The following ARSJ variants were observed in gnomAD, a reference collection of about 807,000 sequenced individuals.
ARSJ encodes arylsulfatase J.
In ARSJ, 26 loss-of-function variants were observed where a neutral mutation model predicts 35.9. The observed-to-expected ratio is 0.72, with a 90% CI of 0.53 to 1.00. The LOEUF (loss-of-function observed/expected upper bound fraction) is 1.00, where lower values mean the gene tolerates loss of function less well. Among genes scored for constraint, ARSJ ranks in the 50% least tolerant of loss-of-function variants. The pLI, the probability that ARSJ is intolerant of heterozygous loss-of-function variation, is 0.00. For synonymous variants in ARSJ, 294 were observed against 267.6 expected (o/e 1.10, Z -0.96); for missense variants, 667 against 723.6 (o/e 0.92, Z 0.90).
chr4:113,964,618 A>C (rs1726773371), intron 1 of ARSJ, among the ~76,000 whole-genome samples: 1 of 152,118 alleles, frequency 6.6e-6, no homozygotes, highest in Admixed American at 6.6e-5. Flanking sequence ...TGAATTAAAT[A>C]GTCATATGCA....
intron 1 of ARSJ, among the ~76,000 whole-genome samples, chr4:113,948,684 C>A (rs1443121399): frequency 6.6e-6 from 1 of 152,008 alleles, no homozygotes; most frequent in Non-Finnish European, 1.5e-5. Flanking sequence ...ACTTTAGAAC[C>A]AAGTTTCATA....
At chr4:113,956,750 A>G (rs1726204876) in intron 1 of ARSJ, among the ~76,000 whole-genome samples, 1 of 152,014 alleles carries the variant, frequency 6.6e-6, no homozygotes, top group Admixed American at 6.6e-5. Context: ...AGTTCATGCA[A>G]TGGTGACATG....
chr4:113,906,071 C>A (rs932586765), intron 1 of ARSJ, among the ~76,000 whole-genome samples: 9 of 152,006 alleles, frequency 5.9e-5, no homozygotes, highest in Admixed American at 3.3e-4. Context: ...AGAAAAAAAA[C>A]TAATTTTTCA....
chr4:113,929,537 C>A (rs1724296000), intron 1 of ARSJ, among the ~76,000 whole-genome samples: 1 of 152,112 alleles, frequency 6.6e-6, no homozygotes, highest in Admixed American at 6.5e-5. Flanking sequence ...TTATCAGGGT[C>A]CTCCCACACA....
intron 1 of ARSJ, among the ~76,000 whole-genome samples, chr4:113,947,959 TG>T (rs1725603928): frequency 2.0e-5 from 3 of 151,856 alleles, no homozygotes. Flanking sequence ...GAGGCTAAGG[TG>T]GGTGGATCAC....
rs567824517 is a variant in ARSJ, at chr4:113,973,931, C to A, written c.398+4506G>T. On this transcript the variant is annotated intron_variant, in intron 1 of 1. Transcript: ENST00000315366. ...TAGTTAAGAGAACATAGCATTGACA[C>A]AACAAATCGATAGCGAAAACAATGA... is the stretch of plus-strand genomic sequence containing the variant. Among the ~76,000 whole-genome samples the A allele has an allele frequency of 1.3e-3, 193 of 152,148 alleles. 1 individual carries two copies. The highest frequency in any genetic ancestry group is 4.5e-3 in the African/African-American group (188 of 41,518).
At chr4:113,949,486 T>C (rs1725720073) in intron 1 of ARSJ, among the ~76,000 whole-genome samples, 1 of 152,030 alleles carries the variant, frequency 6.6e-6, no homozygotes, top group Admixed American at 6.6e-5. Flanking sequence ...AAAAGGCTCA[T>C]GGACACAACT....
chr4:113,903,022 C>G lies in ARSJ; in HGVS notation c.1052G>C (p.Gly351Ala). 1 of 1,614,156 alleles carries G rather than the reference C, an allele frequency of 6.2e-7. No homozygotes were observed. Among genetic ancestry groups the G allele is most frequent in the Non-Finnish European group, 8.5e-7 (1 of 1,180,034 alleles). The change falls in exon 2 of 2, where the codon GGA becomes GCA. Residue 351 changes from glycine (G) to alanine (A), a missense_variant. Transcript: ENST00000315366. ...CACAAAGCCTACAGCCCGGATCCCT[C>G]CTTCCCAATATGTTCCTTTGCTACC... ...LRGSKGTYWEGGIRAVGFVHS... is the reference protein window; with the variant it reads ...LRGSKGTYWEAGIRAVGFVHS...
In ARSJ at chr4:113,902,790, C is replaced by G. The variant is rs924273230; in HGVS notation, c.1284G>C (p.Lys428Asn). Residue 428 changes from lysine (K) to asparagine (N), a missense_variant, in exon 2 of 2, where the codon AAG (lysine) becomes AAC (asparagine). Lys to Asn is a moderately conservative substitution (Grantham distance 94). Transcript: ENST00000315366. ...ILHNIDPIYTKAKNGSWAAGY... is the reference protein window; with the variant it reads ...ILHNIDPIYTNAKNGSWAAGY... ...CTGCTGCCCAGGAGCCATTTTTTGC[C>G]TTGGTGTATATGGGGTCAATGTTAT... 3 of 1,613,936 alleles carry G rather than the reference C, an allele frequency of 1.9e-6. No individual in the cohort carries two copies. Among genetic ancestry groups the G allele is most frequent in the Admixed American group, 1.7e-5 (1 of 59,994 alleles).
chr4:113,951,638 G>A (rs759531913), intron 1 of ARSJ, among the ~76,000 whole-genome samples: 21 of 152,006 alleles, frequency 1.4e-4, no homozygotes, highest in Non-Finnish European at 2.2e-4. Context: ...GTCCTCTCTC[G>A]TAGAAGAGGA....
rs2099667279 is a variant in ARSJ at position 113,902,170 on chromosome 4, C to T, written c.*104G>A. The T allele has an allele frequency of 6.3e-7, 1 of 1,598,808 alleles. No individual in the cohort carries two copies. The highest frequency in any genetic ancestry group is 8.5e-7 in the Non-Finnish European group (1 of 1,179,840). ...TGGCACAGCATGAAAACAAGCCTGA[C>T]GCTTAGGCCAGCGATATTATCGAGC... On this transcript the variant is annotated 3_prime_UTR_variant, in exon 2 of 2. Transcript: ENST00000315366.
intron 1 of ARSJ, among the ~76,000 whole-genome samples, chr4:113,947,571 G>A (rs975212475): frequency 4.4e-5 from 6 of 137,002 alleles, no homozygotes; most frequent in African/African-American, 1.6e-4. Context: ...AGGGAGGGAG[G>A]AAAGAAGGGA....
Position 113,902,292 on chromosome 4 carries a change from T to C in ARSJ, c.1782A>G (p.Ser594=). The change falls in exon 2 of 2, where the codon TCA becomes TCG. Residue 594 remains serine (S), a synonymous_variant. Transcript: ENST00000315366. ...QKAVSGSTCH[S]GVTCG is the part of the protein sequence containing the mutation. ...TTTGTGCTTATCCACAAGTAACACC[T>C]GAATGGCAAGTTGAACCTGAGACTG... is the stretch of plus-strand genomic sequence containing the variant. The C allele has an allele frequency of 1.2e-6, 2 of 1,611,490 alleles. No individual in the cohort carries two copies. The highest frequency in any genetic ancestry group is 2.2e-5 in the East Asian group (1 of 44,888).
intron 1 of ARSJ, among the ~76,000 whole-genome samples, chr4:113,970,221 A>C (rs1430747089): frequency 6.6e-6 from 1 of 152,204 alleles, no homozygotes; most frequent in Non-Finnish European, 1.5e-5. Context: ...GTTTGAAGGT[A>C]GAAGGAGAAA....
At chr4:113,932,786 T>C (rs995767366) in intron 1 of ARSJ, among the ~76,000 whole-genome samples, 1 of 151,938 alleles carries the variant, frequency 6.6e-6, no homozygotes, top group Non-Finnish European at 1.5e-5. Context: ...AATCTACTGA[T>C]TTACCTCAAG....
At position 113,902,022 on chromosome 4, in the gene ARSJ, T is replaced by G; in HGVS notation, c.*252A>C. Reference sequence around the variant, plus strand: ...CAGTGGAACTCAGGACTCACCACGTTTTCTAAAGGAGCAAGAGAAATAAAC... The same window carrying G: ...CAGTGGAACTCAGGACTCACCACGTGTTCTAAAGGAGCAAGAGAAATAAAC... On this transcript the variant is annotated 3_prime_UTR_variant, in exon 2 of 2. Transcript: ENST00000315366. 1.7e-6 allele frequency: 2 copies of G among 1,146,160 alleles called. No individual in the cohort carries two copies. The highest frequency in any genetic ancestry group is 1.2e-6 in the Non-Finnish European group (1 of 840,160). The allele number at this position is 1,146,160 out of a possible 1,614,324, so 71.0% of individuals were successfully genotyped here. A position where few individuals can be genotyped will look rare whatever the true frequency, so the allele number is the denominator to read the frequency against.
At chr4:113,957,657 C>T (rs7662781) in intron 1 of ARSJ, among the ~76,000 whole-genome samples, 150,239 of 152,182 alleles carry the variant, frequency 0.99, 74,187 homozygotes, top group East Asian at 1. Flanking sequence ...TCATAGTTCA[C>T]GGTGACTGAT....
At chr4:113,939,217 C>T (rs1235751225) in intron 1 of ARSJ, among the ~76,000 whole-genome samples, 1 of 149,454 alleles carries the variant, frequency 6.7e-6, no homozygotes, top group African/African-American at 2.5e-5. Flanking sequence ...CAATTTCATC[C>T]ATGTCCCTAC....
intron 1 of ARSJ, 76 bp from the exon 2 acceptor site, chr4:113,903,751 T>TA: frequency 6.8e-7 from 1 of 1,478,298 alleles, no homozygotes; most frequent in South Asian, 1.4e-5. Flanking sequence ...ATCCCTAAAT[T>TA]AAAAAATGTT....
Sources: gnomAD v4.1 joint callset for allele counts (sites outside exome capture counted in the v4.1 genomes callset) on GRCh38, gnomAD v4.1.1 for gene constraint, MANE v1.5 for transcripts, NCBI Gene and HGNC (gene_info 2026-07-23, HGNC 2026-07-21) for gene names.